GARIN1A: variants seen among roughly 807,000 people sequenced by gnomAD.
GARIN1A encodes the protein Golgi-associated RAB2 interactor protein 1A.
the GARIN1A span, chr7:128,677,614 G>A: frequency 8.0e-5 from 129 of 1,612,360 alleles, 1 homozygote; most frequent in South Asian, 5.3e-4. Context: ...CGGCTCCAGC[G>A]CATCCTGAGG....
At chr7:128,680,179 C>T in the GARIN1A span, 2 of 1,353,744 alleles carry the variant, frequency 1.5e-6, no homozygotes, top group Admixed American at 2.2e-5. Flanking sequence ...AGCTCCAGAT[C>T]CCTTCCTCCA....
chr7:128,672,632 T>C, the GARIN1A span: 1 of 639,944 alleles, frequency 1.6e-6, no homozygotes, highest in African/African-American at 2.0e-5. Context: ...TGCTGTGGCC[T>C]TTTAAAGCCC....
chr7:128,698,328 T>G, the GARIN1A span, among the ~76,000 whole-genome samples: 4 of 152,060 alleles, frequency 2.6e-5, no homozygotes, highest in African/African-American at 9.7e-5. Context: ...TTCTCTAGGC[T>G]CCTCTGCTCT....
chr7:128,682,979 C>T, the GARIN1A span: 1 of 1,602,298 alleles, frequency 6.2e-7, no homozygotes, highest in Non-Finnish European at 8.5e-7. Context: ...ATGACACTGC[C>T]ATTGAAATAG....
chr7:128,677,576 GAAGT>G, the GARIN1A span: 1 of 1,603,186 alleles, frequency 6.2e-7, no homozygotes, highest in South Asian at 1.1e-5. Flanking sequence ...TTCTCCCCCT[GAAGT>G]ACGTGGAGCT....
chr7:128,680,056 C>T, the GARIN1A span: 1 of 1,576,504 alleles, frequency 6.3e-7, no homozygotes. Flanking sequence ...CTGTCATCCC[C>T]CCAGCCCAGC....
the GARIN1A span, among the ~76,000 whole-genome samples, chr7:128,698,800 T>C: frequency 6.6e-6 from 1 of 152,208 alleles, no homozygotes; most frequent in African/African-American, 2.4e-5. Flanking sequence ...GGGGGCAGGC[T>C]GGTCTCGAAC....
At chr7:128,696,787 C>T in the GARIN1A span, among the ~76,000 whole-genome samples, 3 of 152,294 alleles carry the variant, frequency 2.0e-5, no homozygotes, top group African/African-American at 4.8e-5. Context: ...AGGGCACTAA[C>T]GGCATTCTGG....
At chr7:128,704,605 T>TA in the GARIN1A span, among the ~76,000 whole-genome samples, 1 of 152,178 alleles carries the variant, frequency 6.6e-6, no homozygotes, top group Admixed American at 6.5e-5. Flanking sequence ...GCTTCCAGCC[T>TA]AGAGTCTTAC....
the GARIN1A span, among the ~76,000 whole-genome samples, chr7:128,693,278 T>C: frequency 3.9e-5 from 6 of 152,234 alleles, 1 homozygote; most frequent in Admixed American, 2.6e-4. Flanking sequence ...TAGAGTATTC[T>C]AAGTTGCTTT....
At chr7:128,698,647 T>A in the GARIN1A span, among the ~76,000 whole-genome samples, 1 of 152,198 alleles carries the variant, frequency 6.6e-6, no homozygotes, top group South Asian at 2.1e-4. Context: ...CCGCCTAGAC[T>A]GGAGTGCAGT....
the GARIN1A span, among the ~76,000 whole-genome samples, chr7:128,703,389 C>T: frequency 2.0e-5 from 3 of 151,968 alleles, no homozygotes; most frequent in Non-Finnish European, 4.4e-5. Context: ...CTGGGAAATC[C>T]CAAAATATAA....
chr7:128,704,118 C>T, the GARIN1A span, among the ~76,000 whole-genome samples: 202 of 149,220 alleles, frequency 1.4e-3, 1 homozygote, highest in African/African-American at 4.8e-3. Context: ...TACTGATTGG[C>T]TAAAGACCAA....
chr7:128,683,017 C>T, the GARIN1A span: 12 of 1,610,406 alleles, frequency 7.5e-6, no homozygotes, highest in Admixed American at 1.0e-4. Context: ...AAGATACCCT[C>T]TCCAGTGGCA....
At chr7:128,680,262 A>G in the GARIN1A span, 1 of 526,930 alleles carries the variant, frequency 1.9e-6, no homozygotes. Flanking sequence ...ATAGTCATGC[A>G]CATGGCTTTT....
At chr7:128,675,621 C>G in the GARIN1A span, 15 of 1,592,072 alleles carry the variant, frequency 9.4e-6, no homozygotes, top group Non-Finnish European at 1.2e-5. Context: ...CATCTGTATT[C>G]CACCCCTTGT....
chr7:128,678,869 C>T, the GARIN1A span, among the ~76,000 whole-genome samples: 1 of 151,170 alleles, frequency 6.6e-6, no homozygotes, highest in Admixed American at 6.6e-5. Flanking sequence ...TGTTTTAATG[C>T]ATTTCCTAGT....
At chr7:128,693,807 G>C in the GARIN1A span, 2 of 156,410 alleles carry the variant, frequency 1.3e-5, no homozygotes, top group African/African-American at 2.4e-5. Flanking sequence ...TGTGGTTACC[G>C]ACTCCACCTT....
chr7:128,683,122 T>C, the GARIN1A span: 2 of 1,612,488 alleles, frequency 1.2e-6, no homozygotes, highest in Admixed American at 1.7e-5. Context: ...CAAGTTCATA[T>C]AGCCAGTTAC....
Sources: allele counts gnomAD v4.1 joint callset (sites outside exome capture counted in the v4.1 genomes callset), GRCh38; gene constraint gnomAD v4.1.1; transcripts MANE v1.5; gene names NCBI Gene and HGNC (gene_info 2026-07-23, HGNC 2026-07-21).